The following DLG2 variants were observed in gnomAD, a reference collection of about 807,000 sequenced individuals.
DLG2 encodes discs large MAGUK scaffold protein 2, also known as disks large homolog 2.
A neutral mutation model predicts 132.5 loss-of-function variants in DLG2; 45 were observed. That is an observed-to-expected ratio of 0.34 (90% CI 0.27 to 0.44). The LOEUF is 0.44. Among genes scored for constraint, DLG2 ranks in the 20% least tolerant of loss-of-function variants. The probability of loss-of-function intolerance (pLI) is 1.00; values close to 1 mark genes in which losing one functional copy is unlikely to be tolerated. For missense variants in DLG2, 1,045 were observed against 1,196.9 expected (o/e 0.87, Z 1.87); for synonymous variants, 424 against 419.6 (o/e 1.01, Z -0.13).
At chr11:84,961,562 G>GTGTGTA (rs1247416929) in intron 6 of DLG2, among the ~76,000 whole-genome samples, 1 of 145,564 alleles carries the variant, frequency 6.9e-6, no homozygotes, top group Non-Finnish European at 1.5e-5. Flanking sequence ...GTGTGTGTGT[G>GTGTGTA]TGTGTATGTG....
rs577894644 is a variant in DLG2, at chr11:84,400,909, A to G, written c.519+133661T>C. 8.5e-5 allele frequency among the ~76,000 whole-genome samples: 13 copies of G among 152,224 alleles called. No individual in the cohort carries two copies. In the South Asian group the frequency reaches 2.5e-3, roughly 29 times the overall value. On this transcript the variant is annotated intron_variant, in intron 7 of 27. Transcript: ENST00000376104. ...ACTTTCCCTCTACCCTGTCTACTGC[A>G]ATAACATCAGCAGCATCATCGTCAT...
At chr11:85,000,522 A>G (rs1156853085) in intron 6 of DLG2, among the ~76,000 whole-genome samples, 1 of 152,142 alleles carries the variant, frequency 6.6e-6, no homozygotes, top group Admixed American at 6.5e-5. Context: ...CAAAACAATA[A>G]TACTTGATTT....
intron 6 of DLG2, among the ~76,000 whole-genome samples, chr11:84,607,254 T>C (rs1220862440): frequency 6.6e-6 from 1 of 152,182 alleles, no homozygotes; most frequent in Non-Finnish European, 1.5e-5. Flanking sequence ...TATTTTATGC[T>C]AACTCTTAAA....
chr11:84,182,140 C>A (rs1297534122), intron 8 of DLG2, among the ~76,000 whole-genome samples: 1 of 152,088 alleles, frequency 6.6e-6, no homozygotes, highest in South Asian at 2.1e-4. Context: ...TAAAACAAAT[C>A]TTAACAAGTT....
chr11:84,728,391 T>C (rs1565800630), intron 6 of DLG2, among the ~76,000 whole-genome samples: 1 of 152,144 alleles, frequency 6.6e-6, no homozygotes, highest in Non-Finnish European at 1.5e-5. Context: ...ATGGATTATG[T>C]TTATTGAAAG....
chr11:84,166,934 A>G, intron 8 of DLG2: 1 of 533,222 alleles, frequency 1.9e-6, no homozygotes, highest in Non-Finnish European at 3.8e-6. Flanking sequence ...GTACAGTAAC[A>G]CTTACGGTAA....
Position 84,273,517 on chromosome 11 carries a change from C to T in DLG2, c.520-22226G>A, listed in dbSNP as rs952260327. On this transcript the variant is annotated intron_variant, in intron 7 of 27. Transcript: ENST00000376104. ...CTTGTGAAAAGCAATCCCATCAGTG[C>T]TCTCCTGTCTTCACACGGGTCTGGT... Among the ~76,000 whole-genome samples, 4 of 152,068 alleles carry T rather than the reference C, an allele frequency of 2.6e-5. No homozygotes were observed. The East Asian group carries it at 5.8e-4, about 22-fold the overall frequency.
intron 6 of DLG2, among the ~76,000 whole-genome samples, chr11:85,005,016 T>C (rs1033006513): frequency 3.3e-5 from 5 of 152,236 alleles, no homozygotes; most frequent in African/African-American, 1.2e-4. Context: ...TTGTCAGGTT[T>C]GTCTAAGATC....
chr11:83,641,865 GT>G (rs2066622471), intron 18 of DLG2, among the ~76,000 whole-genome samples: 1 of 4,904 alleles, frequency 2.0e-4, no homozygotes, highest in Non-Finnish European at 2.2e-3. Context: ...GAGAGGGAGT[GT>G]GTGTGTGTGT....
At chr11:83,764,996 T>C (rs1346876425) in intron 18 of DLG2, among the ~76,000 whole-genome samples, 2 of 152,254 alleles carry the variant, frequency 1.3e-5, no homozygotes, top group Non-Finnish European at 2.9e-5. Flanking sequence ...ATATGATCCA[T>C]GTTTTTAGAA....
chr11:85,022,416 C>T (rs140636684), intron 6 of DLG2, among the ~76,000 whole-genome samples: 1 of 152,056 alleles, frequency 6.6e-6, no homozygotes, highest in African/African-American at 2.4e-5. Flanking sequence ...AATATAACCA[C>T]AAATACAAAG....
chr11:84,040,438 T>C (rs1049326509), intron 11 of DLG2, among the ~76,000 whole-genome samples: 3 of 150,914 alleles, frequency 2.0e-5, no homozygotes, highest in East Asian at 2.0e-4. Flanking sequence ...TTTCTACATA[T>C]GGCTAGCCAG....
At chr11:85,063,429 T>C (rs1244643485) in intron 6 of DLG2, among the ~76,000 whole-genome samples, 1 of 151,860 alleles carries the variant, frequency 6.6e-6, no homozygotes, top group Non-Finnish European at 1.5e-5. Context: ...TATCAAGTAA[T>C]GGAGCAGTAA....
intron 19 of DLG2, among the ~76,000 whole-genome samples, chr11:83,621,905 A>AT (rs942521774): frequency 9.9e-5 from 15 of 151,850 alleles, no homozygotes; most frequent in African/African-American, 3.4e-4. Context: ...CTTGCTACTA[A>AT]TTTTTTATTT....
At position 85,362,526 on chromosome 11, in the gene DLG2, A is replaced by G. The variant is rs148800893; in HGVS notation, c.41-77161T>C. On this transcript the variant is annotated intron_variant, in intron 3 of 27. Coordinates refer to ENST00000376104, the MANE Select transcript of DLG2 (RefSeq NM_001142699.3). ...AGAGTTTTTTTGGTGGAGTCTTTAGAGTTTCCTAGATATAAGATCATATCA... is the reference window on the plus strand; with the variant it reads ...AGAGTTTTTTTGGTGGAGTCTTTAGGGTTTCCTAGATATAAGATCATATCA... Among the ~76,000 whole-genome samples the G allele has an allele frequency of 2.9e-3, 436 of 151,934 alleles. 1 individual carries two copies. The highest frequency in any genetic ancestry group is 0.01 in the African/African-American group (422 of 41,446).
chr11:85,072,125 A>T (rs1380542994), intron 6 of DLG2, among the ~76,000 whole-genome samples: 1 of 151,880 alleles, frequency 6.6e-6, no homozygotes, highest in Non-Finnish European at 1.5e-5. Flanking sequence ...CATTGTTACA[A>T]TTGTACCTGC....
At chr11:85,231,001 C>A (rs1031142350) in intron 4 of DLG2, among the ~76,000 whole-genome samples, 2 of 151,882 alleles carry the variant, frequency 1.3e-5, no homozygotes, top group African/African-American at 2.4e-5. Flanking sequence ...TTCCTAGCTA[C>A]CAAAACTGTG....
At chr11:84,250,414 T>C (rs1338243657) in intron 8 of DLG2, among the ~76,000 whole-genome samples, 8 of 152,220 alleles carry the variant, frequency 5.3e-5, no homozygotes, top group African/African-American at 1.9e-4. Flanking sequence ...TTCTGTGTTT[T>C]ACTCATTTAA....
At chr11:85,409,866 G>T (rs544193211) in intron 3 of DLG2, among the ~76,000 whole-genome samples, 2 of 151,914 alleles carry the variant, frequency 1.3e-5, no homozygotes, top group South Asian at 2.1e-4. Flanking sequence ...AATAAATGTT[G>T]CTCATTATCA....
Sources: allele counts gnomAD v4.1 joint callset (sites outside exome capture counted in the v4.1 genomes callset), GRCh38; gene constraint gnomAD v4.1.1; transcripts MANE v1.5; gene names NCBI Gene and HGNC (gene_info 2026-07-23, HGNC 2026-07-21).